The following SHANK2 variants were observed in gnomAD, a reference collection of about 807,000 sequenced individuals.
SHANK2 encodes the protein SH3 and multiple ankyrin repeat domains 2, also known as SH3 and multiple ankyrin repeat domains protein 2.
A neutral mutation model predicts 133.7 loss-of-function variants in SHANK2; 43 were observed. That is an observed-to-expected ratio of 0.32 (90% CI 0.25 to 0.41). The LOEUF is 0.41. SHANK2 is among the 10% of genes least tolerant of loss of function. SHANK2 has a pLI of 1.00. For synonymous variants in SHANK2, 1,017 were observed against 952.8 expected, an observed-to-expected ratio of 1.07 and a Z score of -1.24; for missense variants, 1,994 against 2,235.8, an observed-to-expected ratio of 0.89 and a Z score of 2.18.
chr11:71,065,603 G>A (rs1374820795), intron 9 of SHANK2, among the ~76,000 whole-genome samples: 2 of 138,964 alleles, frequency 1.4e-5, no homozygotes, highest in African/African-American at 5.5e-5. Context: ...TGAGCAGTGA[G>A]TGGGGACGTT....
At chr11:70,755,625 T>C (rs1395058272) in intron 14 of SHANK2, among the ~76,000 whole-genome samples, 1 of 152,128 alleles carries the variant, frequency 6.6e-6, no homozygotes, top group Non-Finnish European at 1.5e-5. Context: ...CAGGTTCTCC[T>C]GGCAACCGGC....
chr11:71,116,224 G>T (rs1555100317), intron 4 of SHANK2, among the ~76,000 whole-genome samples: 1 of 152,212 alleles, frequency 6.6e-6, no homozygotes, highest in Non-Finnish European at 1.5e-5. Context: ...AACCCACTTA[G>T]GTTGCTCAAG....
intron 12 of SHANK2, among the ~76,000 whole-genome samples, chr11:70,818,407 C>A (rs1296012151): frequency 6.6e-6 from 1 of 152,196 alleles, no homozygotes; most frequent in African/African-American, 2.4e-5. Context: ...AGCTGCAATA[C>A]ACCCGGCTGC....
chr11:70,865,771 C>T (rs1458399475), intron 11 of SHANK2, among the ~76,000 whole-genome samples: 1 of 152,210 alleles, frequency 6.6e-6, no homozygotes, highest in East Asian at 1.9e-4. Flanking sequence ...CAAAATGAGC[C>T]TCAGATAGAT....
chr11:70,494,144 G>A (rs985345392), intron 21 of SHANK2, among the ~76,000 whole-genome samples: 2 of 152,118 alleles, frequency 1.3e-5, no homozygotes, highest in East Asian at 1.9e-4. Context: ...TGAGCCAGGC[G>A]CCCTGTGATG....
At chr11:70,491,961 G>A (rs1416699802) in intron 22 of SHANK2, among the ~76,000 whole-genome samples, 2 of 152,202 alleles carry the variant, frequency 1.3e-5, no homozygotes, top group African/African-American at 2.4e-5. Flanking sequence ...TGGGACAGAC[G>A]GCCTCTTCCA....
At chr11:70,554,116 A>G (rs1554978915) in intron 17 of SHANK2, among the ~76,000 whole-genome samples, 1 of 152,210 alleles carries the variant, frequency 6.6e-6, no homozygotes, top group Non-Finnish European at 1.5e-5. Context: ...GCCTGTGCTG[A>G]TAGGGGAGGA....
At position 71,202,559 on chromosome 11, in the gene SHANK2, C is replaced by A. The variant is rs555336387; in HGVS notation, c.-13+22138G>T. Among the ~76,000 whole-genome samples, 142 of 152,340 alleles carry A rather than the reference C, an allele frequency of 9.3e-4. 1 individual carries two copies. Among genetic ancestry groups the A allele is most frequent in the African/African-American group, 3.4e-3 (140 of 41,574 alleles). On this transcript the variant is annotated intron_variant, in intron 2 of 25. Coordinates refer to ENST00000601538, the MANE Select transcript of SHANK2 (RefSeq NM_012309.5). ...ATCTCAGGCTACCCCTCCTCAGGAGCTGGCTTCCAGGTGGCTCTGCCCAGG... is the reference window on the plus strand; with the variant it reads ...ATCTCAGGCTACCCCTCCTCAGGAGATGGCTTCCAGGTGGCTCTGCCCAGG...
At position 70,609,380 on chromosome 11, in the gene SHANK2, G is replaced by A. The variant is rs115959324; in HGVS notation, c.2061+50448C>T. 3.8e-3 allele frequency among the ~76,000 whole-genome samples: 581 copies of A among 152,312 alleles called. 6 individuals are homozygous for A. The highest frequency in any genetic ancestry group is 0.013 in the African/African-American group (560 of 41,556). ...ACCCCCAGAAAGATGATGACCTGGC[G>A]TGTGAAGAAACCAGCATGGGTCACA... On this transcript the variant is annotated intron_variant, in intron 17 of 25. Transcript: ENST00000601538.
chr11:70,712,717 T>C (rs1225588717), intron 14 of SHANK2, among the ~76,000 whole-genome samples: 3 of 152,248 alleles, frequency 2.0e-5, no homozygotes, highest in South Asian at 4.1e-4. Flanking sequence ...GCCAGCACGA[T>C]GGTTCCTCGC....
chr11:70,632,698 T>G (rs1400370414), intron 17 of SHANK2, among the ~76,000 whole-genome samples: 1 of 152,070 alleles, frequency 6.6e-6, no homozygotes, highest in African/African-American at 2.4e-5. Context: ...GAGCACTCGG[T>G]GGATGCTGGG....
chr11:71,085,329 G>A (rs1028756504), intron 8 of SHANK2, among the ~76,000 whole-genome samples: 4 of 150,358 alleles, frequency 2.7e-5, no homozygotes, highest in East Asian at 2.0e-4. Context: ...GGTGGCACAC[G>A]CCTCTAATCC....
At chr11:71,236,007 C>A (rs1449617182) in intron 1 of SHANK2, among the ~76,000 whole-genome samples, 1 of 152,208 alleles carries the variant, frequency 6.6e-6, no homozygotes, top group Non-Finnish European at 1.5e-5. Flanking sequence ...GGCGGCAGAG[C>A]CAGGACCAGG....
chr11:71,128,319 G>T lies in SHANK2; in HGVS notation c.208-9287C>A, dbSNP rs149809272. Reference sequence around the variant, plus strand: ...AAGGCTGTGATGTCCAGATCCTTCCGAAACCTGCTGCGTGCCTGGCCCAAG... The same window carrying T: ...AAGGCTGTGATGTCCAGATCCTTCCTAAACCTGCTGCGTGCCTGGCCCAAG... On this transcript the variant is annotated intron_variant, in intron 3 of 25. Coordinates refer to ENST00000601538, the MANE Select transcript of SHANK2 (RefSeq NM_012309.5). Among the ~76,000 whole-genome samples, 67 of 152,278 alleles carry T rather than the reference G, an allele frequency of 4.4e-4. No individual in the cohort carries two copies. In the East Asian group the frequency reaches 0.011, roughly 25 times the overall value.
At chr11:70,755,319 G>T (rs1179809280) in intron 14 of SHANK2, among the ~76,000 whole-genome samples, 1 of 152,206 alleles carries the variant, frequency 6.6e-6, no homozygotes, top group African/African-American at 2.4e-5. Context: ...TGATCCACCT[G>T]CCTCGGCCTC....
At chr11:70,841,142 G>A (rs1050289800) in intron 11 of SHANK2, among the ~76,000 whole-genome samples, 2 of 152,100 alleles carry the variant, frequency 1.3e-5, no homozygotes, top group Admixed American at 1.3e-4. Context: ...ATGGTAGCGG[G>A]CACCTATAAT....
intron 6 of SHANK2, among the ~76,000 whole-genome samples, chr11:71,103,026 G>A (rs1951741734): frequency 6.6e-6 from 1 of 152,250 alleles, no homozygotes; most frequent in East Asian, 1.9e-4. Context: ...GAGCGAGGGA[G>A]CTCTCTCTGC....
intron 17 of SHANK2, among the ~76,000 whole-genome samples, chr11:70,652,583 G>C (rs1379277812): frequency 6.6e-6 from 1 of 152,188 alleles, no homozygotes; most frequent in African/African-American, 2.4e-5. Flanking sequence ...GCTGAGGTGG[G>C]AGGATCATTT....
intron 3 of SHANK2, among the ~76,000 whole-genome samples, chr11:71,126,148 C>T (rs79696103): frequency 2.3e-5 from 3 of 131,144 alleles, no homozygotes; most frequent in African/African-American, 8.6e-5. Context: ...AACCCAGGAA[C>T]AGGATGTTGC....
Sources: gnomAD v4.1 joint callset for allele counts (sites outside exome capture counted in the v4.1 genomes callset) on GRCh38, gnomAD v4.1.1 for gene constraint, MANE v1.5 for transcripts, NCBI Gene and HGNC (gene_info 2026-07-23, HGNC 2026-07-21) for gene names.